Variants in COL17A1 observed in about 807,000 individuals in gnomAD.
COL17A1 encodes collagen alpha-1(XVII) chain.
COL17A1 carries 181 observed loss-of-function variants against 218.4 expected under a neutral mutation model. That is an observed-to-expected ratio of 0.83 (90% CI 0.73 to 0.94). The LOEUF (loss-of-function observed/expected upper bound fraction) is 0.94. Among genes scored for constraint, COL17A1 ranks in the 40% least tolerant of loss-of-function variants. The pLI, the probability that COL17A1 is intolerant of heterozygous loss-of-function variation, is 0.00. For missense variants in COL17A1, 1,924 were observed against 1,945.9 expected (o/e 0.99, Z 0.21); for synonymous variants, 721 against 731.0 (o/e 0.99, Z 0.22).
chr10:104,067,678 G>A (rs1465107678), intron 9 of COL17A1, among the ~76,000 whole-genome samples: 1 of 152,086 alleles, frequency 6.6e-6, no homozygotes, highest in Non-Finnish European at 1.5e-5. Flanking sequence ...GTGTGGGGGC[G>A]GCAGGAGCTG....
At position 104,047,657 on chromosome 10, in the gene COL17A1, A is replaced by G. The variant is rs2134599199; in HGVS notation, c.2335+82T>C. On this transcript the variant is annotated intron_variant, in intron 31 of 55. Coordinates refer to ENST00000648076, the MANE Select transcript of COL17A1 (RefSeq NM_000494.4). ...ACAACCTGCACACCTGCACATGCACACGCACACACATGCCTACATCCACAC... is the reference window on the plus strand; with the variant it reads ...ACAACCTGCACACCTGCACATGCACGCGCACACACATGCCTACATCCACAC... 4 of 1,148,386 alleles carry G rather than the reference A, an allele frequency of 3.5e-6. No individual in the cohort carries two copies. Among genetic ancestry groups the G allele is most frequent in the Non-Finnish European group, 5.3e-6 (4 of 760,464 alleles). The allele number at this position is 1,148,386 out of a possible 1,614,324, so 71.1% of individuals were successfully genotyped here. A position where few individuals can be genotyped will look rare whatever the true frequency, so the allele number is the denominator to read the frequency against.
At position 104,055,209 on chromosome 10, in the gene COL17A1, T is replaced by C; in HGVS notation, c.1717+163A>G. On this transcript the variant is annotated intron_variant, in intron 19 of 55. Transcript: ENST00000648076. ...CTTAGATGCTGCCTTATCTAAGATATTCTGACTCTAAAACCAACAGATACC... is the reference window on the plus strand; with the variant it reads ...CTTAGATGCTGCCTTATCTAAGATACTCTGACTCTAAAACCAACAGATACC... 4 of 1,441,186 alleles carry C rather than the reference T, an allele frequency of 2.8e-6. No homozygotes were observed. In the South Asian group the frequency reaches 4.8e-5, roughly 17 times the overall value. The allele number at this position is 1,441,186 out of a possible 1,614,324, so 89.3% of individuals were successfully genotyped here. A position where few individuals can be genotyped will look rare whatever the true frequency, so the allele number is the denominator to read the frequency against.
intron 8 of COL17A1, among the ~76,000 whole-genome samples, chr10:104,071,262 CCT>C: frequency 6.6e-6 from 1 of 152,028 alleles, no homozygotes; most frequent in Admixed American, 6.5e-5. Context: ...ACCCCAACTC[CCT>C]TCGCCTCACC....
At position 104,055,912 on chromosome 10, in the gene COL17A1, T is replaced by C. The variant is rs780065996; in HGVS notation, c.1557A>G (p.Ile519Met). The change falls in exon 18 of 56, where the codon ATA becomes ATG. Residue 519 changes from isoleucine (I) to methionine (M), a missense_variant. Coordinates refer to ENST00000648076, the MANE Select transcript of COL17A1 (RefSeq NM_000494.4). Reference sequence around the variant, plus strand: ...CCATGCCCTGGAGGCGGTCCTTTTCTATTCTATCCATGCTGTCCCCATAGG... The same window carrying C: ...CCATGCCCTGGAGGCGGTCCTTTTCCATTCTATCCATGCTGTCCCCATAGG... The part of the protein sequence containing the change: ...ILPYGDSMDR[I>M]EKDRLQGMAP... 2 of 1,614,204 alleles carry C rather than the reference T, an allele frequency of 1.2e-6. No homozygotes were observed. The highest frequency in any genetic ancestry group is 2.7e-5 in the African/African-American group (2 of 75,054).
At chr10:104,081,787 G>A (rs773530764) in intron 1 of COL17A1, among the ~76,000 whole-genome samples, 1 of 152,102 alleles carries the variant, frequency 6.6e-6, no homozygotes, top group Non-Finnish European at 1.5e-5. Flanking sequence ...AGGCAAAGTG[G>A]GCACAGTGCC....
intron 8 of COL17A1, 87 bp from the exon 9 acceptor site, chr10:104,070,656 T>G: frequency 6.2e-7 from 1 of 1,610,700 alleles, no homozygotes; most frequent in Non-Finnish European, 8.5e-7. Flanking sequence ...TGTGGCATTC[T>G]GACTACTGGG....
rs373985373 is a variant in COL17A1 at position 104,059,373 on chromosome 10, A to G, written c.1222+265T>C. On this transcript the variant is annotated intron_variant, in intron 15 of 55. Coordinates refer to ENST00000648076, the MANE Select transcript of COL17A1 (RefSeq NM_000494.4). ...ATTATGGAGAAAAAGTAAAATGAGA[A>G]AACAAATGCCTTCGTAGACATGGCA... The G allele has an allele frequency of 7.0e-5, 37 of 526,314 alleles. No homozygotes were observed. In the East Asian group the frequency reaches 8.2e-4, roughly 12 times the overall value. 32.6% of individuals were successfully genotyped at this position (526,314 alleles called of 1,614,324 possible).
Position 104,038,548 on chromosome 10 carries a change from T to A in COL17A1, c.2948-20A>T, listed in dbSNP as rs777664412. On this transcript the variant is annotated intron_variant, in intron 44 of 55. Coordinates refer to ENST00000648076, the MANE Select transcript of COL17A1 (RefSeq NM_000494.4). ...ATCCCCCTGCAGCAAAGAGAAAGCG[T>A]CCTGTGTCGGTTTCTCCACCCTAGG... The A allele has an allele frequency of 1.1e-5, 18 of 1,608,194 alleles. No homozygotes were observed. Among genetic ancestry groups the A allele is most frequent in the Non-Finnish European group, 1.4e-5 (17 of 1,179,834 alleles).
rs937199384 is a variant in COL17A1 at position 104,057,024 on chromosome 10, C to G, written c.1416G>C (p.Leu472=). The G allele has an allele frequency of 1.3e-6, 2 of 1,596,164 alleles. No individual in the cohort carries two copies. Among genetic ancestry groups the G allele is most frequent in the Non-Finnish European group, 8.5e-7 (1 of 1,171,666 alleles). Residue 472 remains leucine (L), a synonymous_variant, in exon 17 of 56, where the codon CTG becomes CTC. Transcript: ENST00000648076. The part of the protein sequence containing the change: ...CSWWKWLLGL[L]LTWLLLLGLL... ...GCCCCAGGAGTAGCAGCCAGGTGAG[C>G]AGCAGGCCCAGCAGCCACTTCCACC...
At chr10:104,064,832 C>A (rs1029014888) in intron 9 of COL17A1, among the ~76,000 whole-genome samples, 6 of 152,132 alleles carry the variant, frequency 3.9e-5, no homozygotes, top group Non-Finnish European at 8.8e-5. Context: ...TCTGAGGTAG[C>A]CAAATTTTGC....
At chr10:104,062,055 T>A (rs1018407560) in intron 12 of COL17A1, among the ~76,000 whole-genome samples, 2 of 152,214 alleles carry the variant, frequency 1.3e-5, no homozygotes, top group African/African-American at 4.8e-5. Context: ...TACAAGGTGA[T>A]GCTGTTGACA....
chr10:104,079,194 C>T (rs984922809), intron 2 of COL17A1, among the ~76,000 whole-genome samples: 5 of 152,180 alleles, frequency 3.3e-5, no homozygotes, highest in Non-Finnish European at 5.9e-5. Context: ...GAACCAGTCC[C>T]TTGGCCTCTG....
intron 13 of COL17A1, 33 bp downstream of exon 13, chr10:104,061,372 G>A (rs2086580757): frequency 1.2e-6 from 2 of 1,602,612 alleles, no homozygotes; most frequent in Non-Finnish European, 8.5e-7. Flanking sequence ...CTGTGCACCA[G>A]CCTGAACCCT....
intron 40 of COL17A1, 104 bp from the exon 41 acceptor site, chr10:104,040,103 A>G: frequency 2.2e-6 from 3 of 1,381,162 alleles, no homozygotes; most frequent in Admixed American, 1.7e-5. Context: ...TAGAGCAGAT[A>G]TAGAACTTGG....
At chr10:104,051,543 A>C (rs368496139) in intron 24 of COL17A1, 27 bp from the exon 25 acceptor site, 1 of 1,613,766 alleles carries the variant, frequency 6.2e-7, no homozygotes, top group Non-Finnish European at 8.5e-7. Context: ...GACAGCAATC[A>C]GCAGAGGGGC....
intron 34 of COL17A1, 119 bp from the exon 35 acceptor site, chr10:104,043,700 C>T (rs1236619895): frequency 4.7e-6 from 7 of 1,504,424 alleles, no homozygotes; most frequent in African/African-American, 1.4e-5. Context: ...TGCTAAATTT[C>T]CCTCCTCCCC....
chr10:104,059,491 G>C lies in COL17A1; in HGVS notation c.1222+147C>G. ...GACTCAGCAGATCTGAGCTAGGGCTGGGATCCTGCTTTTATAACACACTCC... is the reference window on the plus strand; with the variant it reads ...GACTCAGCAGATCTGAGCTAGGGCTCGGATCCTGCTTTTATAACACACTCC... On this transcript the variant is annotated intron_variant, in intron 15 of 55. Coordinates refer to ENST00000648076, the MANE Select transcript of COL17A1 (RefSeq NM_000494.4). 4.0e-6 allele frequency: 3 copies of C among 743,042 alleles called. No homozygotes were observed. The South Asian group carries it at 4.4e-5, about 11-fold the overall frequency. 46.0% of individuals were successfully genotyped at this position (743,042 alleles called of 1,614,324 possible).
intron 3 of COL17A1, among the ~76,000 whole-genome samples, chr10:104,078,037 G>T (rs1027559115): frequency 1.3e-5 from 2 of 152,168 alleles, no homozygotes; most frequent in Non-Finnish European, 2.9e-5. Flanking sequence ...CATCCCCAGG[G>T]AACTAGGCTC....
rs186353140 is a variant in COL17A1 at position 104,043,263 on chromosome 10, C to T, written c.2515+238G>A. On this transcript the variant is annotated intron_variant, in intron 35 of 55. Coordinates refer to ENST00000648076, the MANE Select transcript of COL17A1 (RefSeq NM_000494.4). ...GGCAAGTCATTTACCCACTCCAAGC[C>T]TCAGCCTCCCCTTCTCTAAATGCTG... 4.0e-3 allele frequency among the ~76,000 whole-genome samples: 614 copies of T among 152,300 alleles called. 4 individuals carry two copies. The highest frequency in any genetic ancestry group is 6.5e-3 in the Non-Finnish European group (439 of 68,020).
Sources: gnomAD v4.1 joint callset for allele counts (sites outside exome capture counted in the v4.1 genomes callset) on GRCh38, gnomAD v4.1.1 for gene constraint, MANE v1.5 for transcripts, NCBI Gene and HGNC (gene_info 2026-07-23, HGNC 2026-07-21) for gene names.